The following KCNIP1 variants were observed in gnomAD, a reference collection of about 807,000 sequenced individuals.
The protein encoded by KCNIP1 is potassium voltage-gated channel interacting protein 1, also known as A-type potassium channel modulatory protein KCNIP1.
A neutral mutation model predicts 33.0 loss-of-function variants in KCNIP1; 18 were observed. The observed-to-expected ratio is 0.55, with a 90% CI of 0.38 to 0.81. The LOEUF (loss-of-function observed/expected upper bound fraction) is 0.81, where lower values mean the gene tolerates loss of function less well. Among genes scored for constraint, KCNIP1 ranks in the 30% least tolerant of loss-of-function variants. KCNIP1 has a pLI of 0.00. For missense variants in KCNIP1, 238 were observed against 271.6 expected (o/e 0.88, Z 0.87); for synonymous variants, 93 against 98.3 (o/e 0.95, Z 0.32).
exon 1 of KCNIP1, chr5:170,353,841 G>T (rs758981124): frequency 1.8e-5 from 29 of 1,602,622 alleles, no homozygotes; most frequent in Non-Finnish European, 2.1e-5. Flanking sequence ...GTCCCTTCTG[G>T]GTGCTGACAG....
At chr5:170,724,948 T>C (rs949985640) in intron 5 of KCNIP1, among the ~76,000 whole-genome samples, 8 of 152,184 alleles carry the variant, frequency 5.3e-5, no homozygotes, top group Admixed American at 2.0e-4. Flanking sequence ...AGGTATTTTG[T>C]AGCAGTTGAT....
At chr5:170,673,186 T>G (rs1761989710) in intron 1 of KCNIP1, among the ~76,000 whole-genome samples, 1 of 152,218 alleles carries the variant, frequency 6.6e-6, no homozygotes, top group Admixed American at 6.5e-5. Flanking sequence ...CCCCGATTAG[T>G]CTAAACTGGT....
intron 1 of KCNIP1, among the ~76,000 whole-genome samples, chr5:170,684,611 T>TA (rs1762476841): frequency 6.6e-6 from 1 of 152,244 alleles, no homozygotes; most frequent in African/African-American, 2.4e-5. Flanking sequence ...CTAGTGAATG[T>TA]AAAGGCTTAG....
chr5:170,548,426 G>T lies in KCNIP1; in HGVS notation c.61+43793G>T, dbSNP rs141832702. 7.2e-4 allele frequency among the ~76,000 whole-genome samples: 110 copies of T among 152,232 alleles called. 1 individual carries two copies. The highest frequency in any genetic ancestry group is 2.6e-3 in the African/African-American group (109 of 41,516). ...AACTTTATCCTTGATAATTATTAGAGGAATGAATTAAAATTTCACTTCTCC... is the reference window on the plus strand; with the variant it reads ...AACTTTATCCTTGATAATTATTAGATGAATGAATTAAAATTTCACTTCTCC... On this transcript the variant is annotated intron_variant, in intron 1 of 7. Coordinates refer to ENST00000328939, the MANE Select transcript of KCNIP1 (RefSeq NM_014592.4).
intron 1 of KCNIP1, among the ~76,000 whole-genome samples, chr5:170,372,359 C>G (rs1312198414): frequency 6.6e-6 from 1 of 152,138 alleles, no homozygotes; most frequent in Non-Finnish European, 1.5e-5. Context: ...AGAAGCCCCC[C>G]AAACCCTATT....
intron 1 of KCNIP1, among the ~76,000 whole-genome samples, chr5:170,364,362 T>C (rs574494769): frequency 6.6e-6 from 1 of 152,336 alleles, no homozygotes; most frequent in East Asian, 1.9e-4. Flanking sequence ...ATTCCCTTCC[T>C]TTTTAAGTTT....
At chr5:170,569,685 A>G (rs1312973089) in intron 1 of KCNIP1, among the ~76,000 whole-genome samples, 1 of 152,090 alleles carries the variant, frequency 6.6e-6, no homozygotes, top group Non-Finnish European at 1.5e-5. Flanking sequence ...TCAAGGCTGC[A>G]GGGAGCTATG....
chr5:170,378,422 A>C (rs1764093321), intron 1 of KCNIP1: 1 of 378,394 alleles, frequency 2.6e-6, no homozygotes, highest in Non-Finnish European at 4.7e-6. Flanking sequence ...ATGCAGCCGG[A>C]AACAGGTATG....
chr5:170,551,166 C>T (rs1756615744), intron 1 of KCNIP1, among the ~76,000 whole-genome samples: 1 of 152,204 alleles, frequency 6.6e-6, no homozygotes, highest in South Asian at 2.1e-4. Context: ...AAGACATGTA[C>T]TCATCCTTCA....
intron 1 of KCNIP1, among the ~76,000 whole-genome samples, chr5:170,410,456 G>T (rs1386714159): frequency 6.6e-6 from 1 of 152,206 alleles, no homozygotes; most frequent in African/African-American, 2.4e-5. Context: ...TAGTGCAGGG[G>T]CACCTGCATG....
intron 1 of KCNIP1, among the ~76,000 whole-genome samples, chr5:170,656,996 C>CTTT (rs397999901): frequency 8.9e-4 from 98 of 109,664 alleles, no homozygotes; most frequent in South Asian, 1.8e-3. Flanking sequence ...TTCTTTCTTT[C>CTTT]TTTTTTTTTT....
intron 1 of KCNIP1, among the ~76,000 whole-genome samples, chr5:170,710,094 C>A (rs1342311601): frequency 6.6e-6 from 1 of 152,190 alleles, no homozygotes; most frequent in Non-Finnish European, 1.5e-5. Context: ...TCTCGAACTC[C>A]TGACCTCAAG....
At chr5:170,713,592 T>A (rs1763532782) in intron 1 of KCNIP1, among the ~76,000 whole-genome samples, 1 of 152,190 alleles carries the variant, frequency 6.6e-6, no homozygotes, top group South Asian at 2.1e-4. Context: ...AAATCAGACA[T>A]CCAGATTTGT....
At chr5:170,406,814 A>T (rs1159264596) in intron 1 of KCNIP1, among the ~76,000 whole-genome samples, 2 of 152,152 alleles carry the variant, frequency 1.3e-5, no homozygotes, top group Non-Finnish European at 2.9e-5. Context: ...GGCCTTCCGC[A>T]TTCATGAGGT....
chr5:170,632,717 A>T (rs1581422909), intron 1 of KCNIP1, among the ~76,000 whole-genome samples: 1 of 152,264 alleles, frequency 6.6e-6, no homozygotes, highest in Non-Finnish European at 1.5e-5. Flanking sequence ...GGGGACATTT[A>T]ATAAGTGGAA....
chr5:170,667,390 G>A (rs1761747370), intron 1 of KCNIP1, among the ~76,000 whole-genome samples: 1 of 152,128 alleles, frequency 6.6e-6, no homozygotes. Context: ...CATATCTAAT[G>A]ATAGAAGTTC....
At chr5:170,500,155 C>T (rs373885011), upstream of KCNIP1, among the ~76,000 whole-genome samples, 194 of 152,222 alleles carry the variant, frequency 1.3e-3, 2 homozygotes, top group African/African-American at 4.5e-3. Flanking sequence ...TATCTTTGTG[C>T]GTGGGGGGTC....
intron 1 of KCNIP1, among the ~76,000 whole-genome samples, chr5:170,468,444 T>C (rs1704058168): frequency 6.6e-6 from 1 of 152,206 alleles, no homozygotes; most frequent in Non-Finnish European, 1.5e-5. Context: ...TCAAAGCTTA[T>C]GGAGGAACTT....
Position 170,637,880 on chromosome 5 carries a change from T to A in KCNIP1, c.62-80878T>A, listed in dbSNP as rs116860061. On this transcript the variant is annotated intron_variant, in intron 1 of 7. Transcript: ENST00000328939. ...TTCTTCTCCACCCTTAGAATGGTGC[T>A]GGGCCCAGAAGAGGCATGCAGTCGA... 2.1e-4 allele frequency among the ~76,000 whole-genome samples: 32 copies of A among 152,194 alleles called. 1 individual carries two copies. In the East Asian group the frequency reaches 5.6e-3, roughly 27 times the overall value.
Sources: allele counts gnomAD v4.1 joint callset (sites outside exome capture counted in the v4.1 genomes callset), GRCh38; gene constraint gnomAD v4.1.1; transcripts MANE v1.5; gene names NCBI Gene and HGNC (gene_info 2026-07-23, HGNC 2026-07-21).